PRXL2B: variants seen among roughly 807,000 people sequenced by gnomAD.
The protein encoded by PRXL2B is prostamide/prostaglandin F synthase.
A neutral mutation model predicts 24.4 loss-of-function variants in PRXL2B; 26 were observed. The ratio of observed to expected loss-of-function variants is 1.07; its 90% confidence interval spans 0.78 to 1.48. The LOEUF is 1.48. PRXL2B is among the 40% of genes most tolerant of loss of function. The pLI, the probability that PRXL2B is intolerant of heterozygous loss-of-function variation, is 0.00. For synonymous variants in PRXL2B, 115 were observed against 118.9 expected, an observed-to-expected ratio of 0.97 and a Z score of 0.21; for missense variants, 269 against 264.8, an observed-to-expected ratio of 1.02 and a Z score of -0.11.
intron 3 of PRXL2B, 121 bp from the exon 4 acceptor site, chr1:2,588,268 AG>A: frequency 8.4e-7 from 1 of 1,196,034 alleles, no homozygotes; most frequent in Non-Finnish European, 1.1e-6. Context: ...GCCATCTCTG[AG>A]CCCTGGTGAG....
Position 2,587,458 on chromosome 1 carries a change from T to C in PRXL2B, c.268+163T>C, listed in dbSNP as rs1404814625. Among the ~76,000 whole-genome samples, 1 of 152,110 alleles carries C rather than the reference T, an allele frequency of 6.6e-6. No homozygotes were observed. The highest frequency in any genetic ancestry group is 2.4e-5 in the African/African-American group (1 of 41,426). On this transcript the variant is annotated intron_variant, in intron 2 of 6. Transcript: ENST00000419916. The surrounding 1 kb of genome is among the most constrained non-coding windows in gnomAD (Gnocchi z 6.1). ...TCTCCCTGCCTCCCCGCCCCGCAGC[T>C]GGTGGCTGGGTGGTGCCCTGCACAG...
Position 2,586,879 on chromosome 1 carries a change from GGCC to G in PRXL2B, c.-3_-1del. 1 of 1,294,472 alleles carries G rather than the reference GGCC, an allele frequency of 7.7e-7. No homozygotes were observed. The highest frequency in any genetic ancestry group is 9.8e-7 in the Non-Finnish European group (1 of 1,021,958). 80.2% of individuals were successfully genotyped at this position (1,294,472 alleles called of 1,614,324 possible). On this transcript the variant is annotated 5_prime_UTR_variant, in exon 1 of 7. Transcript: ENST00000419916. ...GGAGCCGGGAACCAGGGCTGGCAGC[GGCC>G]GCCATGAGCACGGTGGACCTTGCTC...
Position 2,589,675 on chromosome 1 carries a change from C to T in PRXL2B, c.*248C>T, listed in dbSNP as rs112955512. 4.9e-4 allele frequency: 287 copies of T among 587,028 alleles called. No homozygotes were observed. In the African/African-American group the frequency reaches 5.2e-3, roughly 11 times the overall value. 36.4% of individuals were successfully genotyped at this position (587,028 alleles called of 1,614,324 possible). On this transcript the variant is annotated 3_prime_UTR_variant, in exon 7 of 7. Transcript: ENST00000419916. ...TGGGCCCTCAGGGCGGGCAGGGTGG[C>T]TGTGAGTCCCAGGTGTCATCTTCCT...
Position 2,591,339 on chromosome 1 carries a change from C to A in PRXL2B, c.*1912C>A, listed in dbSNP as rs1644698650. ...ACTCTCCTTCACACAGAAACATTCG[C>A]AGCCTGCGGTAGGCTCCCCCTTCCT... On this transcript the variant is annotated 3_prime_UTR_variant, in exon 7 of 7. Coordinates refer to ENST00000419916, the MANE Select transcript of PRXL2B (RefSeq NM_152371.5). The A allele has an allele frequency of 1.7e-6, 1 of 600,370 alleles. No homozygotes were observed. Among genetic ancestry groups the A allele is most frequent in the Non-Finnish European group, 3.0e-6 (1 of 338,428 alleles). The allele number at this position is 600,370 out of a possible 1,614,324, so 37.2% of individuals were successfully genotyped here. A position where few individuals can be genotyped will look rare whatever the true frequency, so the allele number is the denominator to read the frequency against.
In PRXL2B at chr1:2,589,448, T is replaced by C. The variant is rs771498223; in HGVS notation, c.*21T>C. The C allele has an allele frequency of 6.2e-7, 1 of 1,613,608 alleles. No individual in the cohort carries two copies. Among genetic ancestry groups the C allele is most frequent in the Non-Finnish European group, 8.5e-7 (1 of 1,179,864 alleles). On this transcript the variant is annotated 3_prime_UTR_variant, in exon 7 of 7. Coordinates refer to ENST00000419916, the MANE Select transcript of PRXL2B (RefSeq NM_152371.5). Reference sequence around the variant, plus strand: ...TGTGAGGGAGGCGAAGGCCCTGGCCTCCGAGGATCTGGGTGGCGTCTGCTG... The same window carrying C: ...TGTGAGGGAGGCGAAGGCCCTGGCCCCCGAGGATCTGGGTGGCGTCTGCTG...
chr1:2,588,188 G>A (rs888377679), intron 3 of PRXL2B: 27 of 709,818 alleles, frequency 3.8e-5, no homozygotes, highest in Non-Finnish European at 5.8e-5. Context: ...GTGGACCCTC[G>A]GCTAGCAGCC....
chr1:2,587,994 C>T lies in PRXL2B; in HGVS notation c.320+202C>T, dbSNP rs1644569305. Among the ~76,000 whole-genome samples, 1 of 152,042 alleles carries T rather than the reference C, an allele frequency of 6.6e-6. No homozygotes were observed. The highest frequency in any genetic ancestry group is 1.5e-5 in the Non-Finnish European group (1 of 67,980). Reference sequence around the variant, plus strand: ...GCTGGGTGACTGTAATGAGCCACCTCGTCCGGGGCTTACTCTCGGTGTCCA... The same window carrying T: ...GCTGGGTGACTGTAATGAGCCACCTTGTCCGGGGCTTACTCTCGGTGTCCA... On this transcript the variant is annotated intron_variant, in intron 3 of 6. Coordinates refer to ENST00000419916, the MANE Select transcript of PRXL2B (RefSeq NM_152371.5). The surrounding 1 kb of genome is among the most constrained non-coding windows in gnomAD (Gnocchi z 6.1).
chr1:2,589,796 A>C lies in PRXL2B; in HGVS notation c.*369A>C. ...CCGTCACTCCCTTCAAAGGCGACAGACCCAAGCCCACGTCAGGAGAGGAGC... is the reference window on the plus strand; with the variant it reads ...CCGTCACTCCCTTCAAAGGCGACAGCCCCAAGCCCACGTCAGGAGAGGAGC... On this transcript the variant is annotated 3_prime_UTR_variant, in exon 7 of 7. Transcript: ENST00000419916. 1 of 330,724 alleles carries C rather than the reference A, an allele frequency of 3.0e-6. No individual in the cohort carries two copies. The highest frequency in any genetic ancestry group is 5.6e-6 in the Non-Finnish European group (1 of 178,310). 20.5% of individuals were successfully genotyped at this position (330,724 alleles called of 1,614,324 possible). A position where few individuals can be genotyped will look rare whatever the true frequency, so the allele number is the denominator to read the frequency against.
rs1260821188 is a variant in PRXL2B at position 2,591,419 on chromosome 1, G to T, written c.*1992G>T. On this transcript the variant is annotated 3_prime_UTR_variant, in exon 7 of 7. Coordinates refer to ENST00000419916, the MANE Select transcript of PRXL2B (RefSeq NM_152371.5). ...GAATGTCCCTGACCGAAATCGGCCA[G>T]AAGCCCCTCTCAGGTTTATTCCCAA... The T allele has an allele frequency of 7.0e-5, 51 of 732,738 alleles. No individual in the cohort carries two copies. In the Admixed American group the frequency reaches 1.1e-3, roughly 16 times the overall value. 45.4% of individuals were successfully genotyped at this position (732,738 alleles called of 1,614,324 possible).
chr1:2,587,168 C>T lies in PRXL2B; in HGVS notation c.141C>T (p.Cys47=). 6.4e-7 allele frequency: 1 copy of T among 1,553,894 alleles called. No individual in the cohort carries two copies. Among genetic ancestry groups the T allele is most frequent in the Non-Finnish European group, 8.6e-7 (1 of 1,157,024 alleles). The change falls in exon 2 of 7, where the codon TGC becomes TGT. Residue 47 remains cysteine, a synonymous_variant. Transcript: ENST00000419916. This position sits in a 1 kb window ranked among gnomAD's most constrained non-coding sequence, Gnocchi z 6.1. The part of the protein sequence containing the change: ...AGLRRFGCVV[C]RWIAQDLSSL... ...TGCGGCGCTTCGGGTGCGTGGTGTG[C>T]CGCTGGATCGCCCAGGACCTCAGCA... is the stretch of plus-strand genomic sequence containing the variant.
In PRXL2B at chr1:2,587,821, C is replaced by A. The variant is rs571825590; in HGVS notation, c.320+29C>A. 3.8e-6 allele frequency: 2 copies of A among 523,340 alleles called. No individual in the cohort carries two copies. Among genetic ancestry groups the A allele is most frequent in the South Asian group, 1.6e-5 (1 of 63,644 alleles). 32.4% of individuals were successfully genotyped at this position (523,340 alleles called of 1,614,324 possible). ...AGTGGGGGCGGGAACCCTTGGGTAG[C>A]GTGGGGTGGGGGGCCCAGGGGTTCC... On this transcript the variant is annotated intron_variant, in intron 3 of 6. Transcript: ENST00000419916. This position sits in a 1 kb window ranked among gnomAD's most constrained non-coding sequence, Gnocchi z 6.1.
chr1:2,590,855 C>G lies in PRXL2B; in HGVS notation c.*1428C>G. 1 of 631,638 alleles carries G rather than the reference C, an allele frequency of 1.6e-6. No homozygotes were observed. The highest frequency in any genetic ancestry group is 2.4e-6 in the Non-Finnish European group (1 of 412,878). 39.1% of individuals were successfully genotyped at this position (631,638 alleles called of 1,614,324 possible). The stretch of plus-strand genomic sequence containing the variant: ...GCAGGTGGCTGCACCCTAGGCCAGG[C>G]GCAGAGGCCTGGCAGGCAGGCTTGG... On this transcript the variant is annotated 3_prime_UTR_variant, in exon 7 of 7. Coordinates refer to ENST00000419916, the MANE Select transcript of PRXL2B (RefSeq NM_152371.5).
Position 2,587,404 on chromosome 1 carries a change from G to C in PRXL2B, c.268+109G>C. ...CCCTTCTGTCTGCTGGAGCGGCCTT[G>C]ATATGCCCACGGGTCAGCGTCCCTC... On this transcript the variant is annotated intron_variant, in intron 2 of 6. Transcript: ENST00000419916. This position sits in a 1 kb window ranked among gnomAD's most constrained non-coding sequence, Gnocchi z 6.1. 7.8e-7 allele frequency: 1 copy of C among 1,282,302 alleles called. No homozygotes were observed. Among genetic ancestry groups the C allele is most frequent in the Non-Finnish European group, 1.1e-6 (1 of 927,788 alleles). The allele number at this position is 1,282,302 out of a possible 1,614,324, so 79.4% of individuals were successfully genotyped here.
Position 2,589,429 on chromosome 1 carries a change from G to A in PRXL2B, c.*2G>A. ...CCACAGTGTGACAGAGAGGTGTGAG[G>A]GAGGCGAAGGCCCTGGCCTCCGAGG... On this transcript the variant is annotated 3_prime_UTR_variant, in exon 7 of 7. Transcript: ENST00000419916. The A allele has an allele frequency of 6.2e-7, 1 of 1,613,766 alleles. No homozygotes were observed. Among genetic ancestry groups the A allele is most frequent in the Admixed American group, 1.7e-5 (1 of 60,008 alleles).
rs1644551622 is a variant in PRXL2B at position 2,587,422 on chromosome 1, C to T, written c.268+127C>T. 1.8e-6 allele frequency: 2 copies of T among 1,103,584 alleles called. No homozygotes were observed. The highest frequency in any genetic ancestry group is 1.6e-5 in the African/African-American group (1 of 63,410). 68.4% of individuals were successfully genotyped at this position (1,103,584 alleles called of 1,614,324 possible). A position where few individuals can be genotyped will look rare whatever the true frequency, so the allele number is the denominator to read the frequency against. On this transcript the variant is annotated intron_variant, in intron 2 of 6. Transcript: ENST00000419916. This position sits in a 1 kb window ranked among gnomAD's most constrained non-coding sequence, Gnocchi z 6.1. ...CGGCCTTGATATGCCCACGGGTCAGCGTCCCTCATCTCTCCCTGCCTCCCC... is the reference window on the plus strand; with the variant it reads ...CGGCCTTGATATGCCCACGGGTCAGTGTCCCTCATCTCTCCCTGCCTCCCC...
chr1:2,591,065 CA>C lies in PRXL2B; in HGVS notation c.*1639del. 6.2e-7 allele frequency: 1 copy of C among 1,604,474 alleles called. No individual in the cohort carries two copies. The highest frequency in any genetic ancestry group is 8.5e-7 in the Non-Finnish European group (1 of 1,175,976). ...AGTGGAACGTGTCTGCGAAGGCGGC[CA>C]GGTTCTGCAGCGACCCCAGTACCCT... On this transcript the variant is annotated 3_prime_UTR_variant, in exon 7 of 7. Transcript: ENST00000419916.
rs145991999 is a variant in PRXL2B at position 2,591,044 on chromosome 1, G to T, written c.*1617G>T. Reference sequence around the variant, plus strand: ...GCATGGGGGTGCCCCGGGCACAGTGGAACGTGTCTGCGAAGGCGGCCAGGT... The same window carrying T: ...GCATGGGGGTGCCCCGGGCACAGTGTAACGTGTCTGCGAAGGCGGCCAGGT... On this transcript the variant is annotated 3_prime_UTR_variant, in exon 7 of 7. Coordinates refer to ENST00000419916, the MANE Select transcript of PRXL2B (RefSeq NM_152371.5). 5.9e-5 allele frequency: 95 copies of T among 1,606,880 alleles called. No individual in the cohort carries two copies. Among genetic ancestry groups the T allele is most frequent in the Non-Finnish European group, 7.9e-5 (93 of 1,177,488 alleles).
chr1:2,587,822 G>A lies in PRXL2B; in HGVS notation c.320+30G>A. 1.3e-6 allele frequency: 2 copies of A among 1,566,384 alleles called. No individual in the cohort carries two copies. The highest frequency in any genetic ancestry group is 1.7e-6 in the Non-Finnish European group (2 of 1,152,608). On this transcript the variant is annotated intron_variant, in intron 3 of 6. Coordinates refer to ENST00000419916, the MANE Select transcript of PRXL2B (RefSeq NM_152371.5). The surrounding 1 kb of genome is among the most constrained non-coding windows in gnomAD (Gnocchi z 6.1). Reference sequence around the variant, plus strand: ...GTGGGGGCGGGAACCCTTGGGTAGCGTGGGGTGGGGGGCCCAGGGGTTCCC... The same window carrying A: ...GTGGGGGCGGGAACCCTTGGGTAGCATGGGGTGGGGGGCCCAGGGGTTCCC...
In PRXL2B at chr1:2,589,617, T is replaced by C. The variant is rs1258603497; in HGVS notation, c.*190T>C. ...GCACTGCTTCGCAGGCTCCGAGCCC[T>C]GCATCCTCCACAGCCCCCGCCTTGC... On this transcript the variant is annotated 3_prime_UTR_variant, in exon 7 of 7. Transcript: ENST00000419916. The C allele has an allele frequency of 4.0e-6, 3 of 749,550 alleles. No individual in the cohort carries two copies. In the South Asian group the frequency reaches 5.2e-5, roughly 13 times the overall value. The allele number at this position is 749,550 out of a possible 1,614,324, so 46.4% of individuals were successfully genotyped here. A position where few individuals can be genotyped will look rare whatever the true frequency, so the allele number is the denominator to read the frequency against.
Sources: allele counts gnomAD v4.1 joint callset (sites outside exome capture counted in the v4.1 genomes callset), GRCh38; gene constraint gnomAD v4.1.1; non-coding constraint Gnocchi (gnomAD v3.1); transcripts MANE v1.5; gene names NCBI Gene and HGNC (gene_info 2026-07-23, HGNC 2026-07-21).